Variants in LINGO2 observed in about 807,000 individuals in gnomAD.
LINGO2 encodes leucine rich repeat and Ig domain containing 2, also known as leucine-rich repeat and immunoglobulin-like domain-containing nogo receptor-interacting protein 2.
LINGO2 carries 14 observed loss-of-function variants against 30.6 expected under a neutral mutation model. The observed-to-expected ratio is 0.46, with a 90% CI of 0.30 to 0.72. The LOEUF (loss-of-function observed/expected upper bound fraction) is 0.72. Among genes scored for constraint, LINGO2 ranks in the 30% least tolerant of loss-of-function variants. LINGO2 has a pLI of 0.07. For missense variants in LINGO2, 729 were observed against 751.7 expected, an observed-to-expected ratio of 0.97 and a Z score of 0.35; for synonymous variants, 317 against 288.5, an observed-to-expected ratio of 1.10 and a Z score of -1.00.
the LINGO2 span, among the ~76,000 whole-genome samples, chr9:29,021,330 G>A: frequency 0.022 from 3,299 of 152,188 alleles, 112 homozygotes; most frequent in African/African-American, 0.074. Context: ...CAGGGAATAC[G>A]GCACTAACTA....
At chr9:29,053,421 G>A in the LINGO2 span, among the ~76,000 whole-genome samples, 2 of 152,254 alleles carry the variant, frequency 1.3e-5, no homozygotes, top group African/African-American at 4.8e-5. Context: ...ATGGGTGGGG[G>A]GAAGGGGGAG....
chr9:27,996,665 T>G (rs138557739), intron 5 of LINGO2, among the ~76,000 whole-genome samples: 1 of 152,166 alleles, frequency 6.6e-6, no homozygotes, highest in African/African-American at 2.4e-5. Flanking sequence ...TACAGTTAGA[T>G]AGAATTAATA....
chr9:28,744,904 G>A, the LINGO2 span, among the ~76,000 whole-genome samples: 1 of 151,742 alleles, frequency 6.6e-6, no homozygotes, highest in Non-Finnish European at 1.5e-5. Context: ...CAAAGTACTG[G>A]GATTACAGGT....
At chr9:28,361,619 A>G (rs1021206601) in intron 3 of LINGO2, among the ~76,000 whole-genome samples, 4 of 152,178 alleles carry the variant, frequency 2.6e-5, no homozygotes, top group Non-Finnish European at 4.4e-5. Flanking sequence ...TGGAGCAGTC[A>G]GAAGTCACAG....
At chr9:29,090,383 C>A in the LINGO2 span, among the ~76,000 whole-genome samples, 1 of 152,082 alleles carries the variant, frequency 6.6e-6, no homozygotes. Flanking sequence ...CTTGCAGGGT[C>A]TCCTTTTCAC....
rs538574030 is a variant in LINGO2 at position 28,367,120 on chromosome 9, T to C, written c.-246+5716A>G. Among the ~76,000 whole-genome samples, 29 of 152,330 alleles carry C rather than the reference T, an allele frequency of 1.9e-4. No homozygotes were observed. In the East Asian group the frequency reaches 5.6e-3, roughly 29 times the overall value. On this transcript the variant is annotated intron_variant, in intron 3 of 5. Transcript: ENST00000379992. ...TTTGGTTAAATCAAAAGTCAGCACA[T>C]ATTATTATGACTGTTAATATTATCA... is the stretch of plus-strand genomic sequence containing the variant.
chr9:27,994,503 A>G (rs1054958074), intron 5 of LINGO2, among the ~76,000 whole-genome samples: 3 of 152,116 alleles, frequency 2.0e-5, no homozygotes, highest in African/African-American at 4.8e-5. Flanking sequence ...CCCACGCCCC[A>G]GGGACCACTG....
the LINGO2 span, among the ~76,000 whole-genome samples, chr9:28,932,545 A>G: frequency 1.4e-4 from 21 of 152,204 alleles, no homozygotes; most frequent in African/African-American, 5.1e-4. Context: ...GAGAAATCCA[A>G]TGACATAGGC....
At chr9:29,075,575 T>A in the LINGO2 span, among the ~76,000 whole-genome samples, 2 of 152,184 alleles carry the variant, frequency 1.3e-5, no homozygotes, top group Non-Finnish European at 2.9e-5. Context: ...TATTCATAAC[T>A]TTATTTTTAT....
intron 1 of LINGO2, among the ~76,000 whole-genome samples, chr9:28,627,571 A>G (rs1264654344): frequency 1.3e-5 from 2 of 152,138 alleles, no homozygotes; most frequent in Middle Eastern, 6.8e-3. Context: ...TCTTATTTCC[A>G]TTCTCTTCTA....
the LINGO2 span, among the ~76,000 whole-genome samples, chr9:28,973,475 G>A: frequency 1.3e-5 from 2 of 152,074 alleles, no homozygotes; most frequent in Admixed American, 1.3e-4. Flanking sequence ...GAATCATGGG[G>A]GTAGTTCCAC....
intron 1 of LINGO2, among the ~76,000 whole-genome samples, chr9:28,557,450 C>A (rs1822779623): frequency 6.6e-6 from 1 of 152,190 alleles, no homozygotes. Context: ...CAATGAGATA[C>A]CATCTCACAC....
chr9:29,134,028 C>T, the LINGO2 span, among the ~76,000 whole-genome samples: 1 of 152,068 alleles, frequency 6.6e-6, no homozygotes, highest in Non-Finnish European at 1.5e-5. Context: ...GCTTTAATCT[C>T]TATAGTTTTC....
At chr9:28,031,372 A>G (rs1420758467) in intron 4 of LINGO2, among the ~76,000 whole-genome samples, 2 of 150,448 alleles carry the variant, frequency 1.3e-5, no homozygotes, top group Non-Finnish European at 3.0e-5. Flanking sequence ...TTTTTTTACA[A>G]TTTTTAAAAA....
At chr9:28,975,377 T>A in the LINGO2 span, among the ~76,000 whole-genome samples, 2 of 152,172 alleles carry the variant, frequency 1.3e-5, no homozygotes, top group African/African-American at 4.8e-5. Context: ...TAATGTAATA[T>A]AAATCCAGGA....
intron 2 of LINGO2, among the ~76,000 whole-genome samples, 159 bp from the exon 5 acceptor site, chr9:28,373,027 A>G (rs1228474970): frequency 6.6e-6 from 1 of 151,874 alleles, no homozygotes; most frequent in African/African-American, 2.4e-5. Flanking sequence ...AAAAAAACTG[A>G]TAAAACTCTT....
chr9:28,306,107 T>A (rs1174848308), intron 3 of LINGO2, among the ~76,000 whole-genome samples: 2 of 152,124 alleles, frequency 1.3e-5, no homozygotes, highest in Admixed American at 1.3e-4. Flanking sequence ...CCTGACACGT[T>A]CAATGTAGGT....
chr9:29,082,774 A>T, the LINGO2 span, among the ~76,000 whole-genome samples: 1 of 152,212 alleles, frequency 6.6e-6, no homozygotes, highest in Non-Finnish European at 1.5e-5. Flanking sequence ...TGGGCGAAGG[A>T]TATGAACAGA....
At chr9:28,530,150 G>C (rs1470298050) in intron 1 of LINGO2, among the ~76,000 whole-genome samples, 1 of 151,924 alleles carries the variant, frequency 6.6e-6, no homozygotes, top group Non-Finnish European at 1.5e-5. Flanking sequence ...GGTGAAGGTG[G>C]CATATGAGAT....
Sources: allele counts gnomAD v4.1 joint callset (sites outside exome capture counted in the v4.1 genomes callset), GRCh38; gene constraint gnomAD v4.1.1; transcripts MANE v1.5; gene names NCBI Gene and HGNC (gene_info 2026-07-23, HGNC 2026-07-21).